The following KDM6A variants were observed in gnomAD, a reference collection of about 807,000 sequenced individuals.
KDM6A encodes lysine demethylase 6A.
In KDM6A, 11 loss-of-function variants were observed where a neutral mutation model predicts 117.6. The ratio of observed to expected loss-of-function variants is 0.09; its 90% CI spans 0.06 to 0.15. The LOEUF (loss-of-function observed/expected upper bound fraction) is 0.15. Ranked by LOEUF, KDM6A falls within the 10% of genes least tolerant of loss-of-function variation. The pLI is 1.00. For synonymous variants in KDM6A, 384 were observed against 396.1 expected (o/e 0.97, Z 0.36); for missense variants, 799 against 1,077.3 (o/e 0.74, Z 3.62).
At chrX:45,040,409 A>C (rs1441632158) in intron 8 of KDM6A, among the ~76,000 whole-genome samples, 1 of 77,925 alleles carries the variant, frequency 1.3e-5, no homozygotes, top group Non-Finnish European at 2.5e-5. Context: ...TGATCCCCCC[A>C]CCTCCCTCCC....
intron 5 of KDM6A, among the ~76,000 whole-genome samples, chrX:45,017,730 G>A (rs916944809): frequency 5.4e-5 from 6 of 111,905 alleles, no homozygotes; most frequent in African/African-American, 1.6e-4. Flanking sequence ...ACCCTTTGCT[G>A]TATTATTTTA....
chrX:45,089,722 A>G (rs753246154), intron 25 of KDM6A, 21 bp from the exon 26 acceptor site: 13 of 1,127,847 alleles, frequency 1.2e-5, no homozygotes, highest in African/African-American at 1.8e-5. Flanking sequence ...ATCCATTTGC[A>G]TTATTTTTTT....
At chrX:44,912,088 T>G (rs1042645818) in intron 2 of KDM6A, among the ~76,000 whole-genome samples, 1 of 108,334 alleles carries the variant, frequency 9.2e-6, no homozygotes, top group Non-Finnish European at 1.9e-5. Context: ...AAACTTTTTT[T>G]TTGTTTGTTT....
chrX:44,943,220 T>C (rs1327802182), intron 2 of KDM6A, among the ~76,000 whole-genome samples: 1 of 111,566 alleles, frequency 9.0e-6, no homozygotes, highest in Non-Finnish European at 1.9e-5. Context: ...TGCAGTACAG[T>C]GAGTCACACA....
intron 2 of KDM6A, among the ~76,000 whole-genome samples, chrX:44,900,750 A>AGCTGGGCGTGGTG (rs2034287850): frequency 9.0e-6 from 1 of 110,968 alleles, no homozygotes; most frequent in Non-Finnish European, 1.9e-5. Context: ...TACAAAAATT[A>AGCTGGGCGTGGTG]GCTGGGCGTG....
chrX:44,901,032 A>G (rs781274619), intron 2 of KDM6A, among the ~76,000 whole-genome samples: 2 of 112,385 alleles, frequency 1.8e-5, no homozygotes, highest in Non-Finnish European at 3.8e-5. Flanking sequence ...ACTGATTTCT[A>G]ATTTCACTAC....
Position 45,059,253 on chromosome X carries a change from A to G in KDM6A, c.981A>G (p.Leu327=), listed in dbSNP as rs767828980. 27 of 1,208,064 alleles carry G rather than the reference A, an allele frequency of 2.2e-5. No homozygotes were observed. In the South Asian group the frequency reaches 4.6e-4, roughly 20 times the overall value. The part of the protein sequence containing the change: ...SADTWCSIGV[L]YQQQNQPMDA... Reference sequence around the variant, plus strand: ...TCTTAATTTCTCTTTCCAGTGTGCTATATCAGCAGCAAAATCAGCCCATGG... The same window carrying G: ...TCTTAATTTCTCTTTCCAGTGTGCTGTATCAGCAGCAAAATCAGCCCATGG... The change falls in exon 12 of 30, where the codon CTA becomes CTG. Residue 327 remains leucine (L), a synonymous_variant. Coordinates refer to ENST00000611820, the MANE Select transcript of KDM6A (RefSeq NM_001291415.2).
intron 5 of KDM6A, among the ~76,000 whole-genome samples, chrX:45,016,789 T>C (rs1269258126): frequency 9.0e-6 from 1 of 111,658 alleles, no homozygotes; most frequent in Non-Finnish European, 1.9e-5. Context: ...TGAGCCACCA[T>C]GCCCAGCCAA....
intron 23 of KDM6A, 48 bp downstream of exon 23, chrX:45,082,837 C>A: frequency 1.2e-6 from 1 of 820,670 alleles, no homozygotes; most frequent in Non-Finnish European, 1.8e-6. Context: ...AAGAGTTATC[C>A]TGTGCTAGAT....
intron 8 of KDM6A, among the ~76,000 whole-genome samples, chrX:45,040,389 G>A (rs1380006635): frequency 8.6e-5 from 8 of 92,631 alleles, no homozygotes; most frequent in Non-Finnish European, 1.5e-4. Context: ...CGGCTGGCCA[G>A]GCGGGGGGCT....
intron 3 of KDM6A, among the ~76,000 whole-genome samples, chrX:44,972,484 A>G (rs1006497051): frequency 1.8e-5 from 2 of 111,092 alleles, no homozygotes; most frequent in African/African-American, 6.6e-5. Context: ...GAACATAGCT[A>G]TGTAAGGAAG....
In KDM6A at chrX:44,974,800, C is replaced by CT. The variant is rs200529431; in HGVS notation, c.384+93dup. ...ATACTCAAAATTAATTGAGCTCTTG[C>CT]TTTTTTTTGTTAATTACTTAAAATA... On this transcript the variant is annotated intron_variant, in intron 4 of 29. Transcript: ENST00000611820. The CT allele has an allele frequency of 0.085, 57,894 of 684,697 alleles. 4,242 individuals are homozygous for CT. The highest frequency in any genetic ancestry group is 0.43 in the African/African-American group (19,250 of 45,110). 56.4% of individuals were successfully genotyped at this position (684,697 alleles called of 1,213,427 possible). A position where few individuals can be genotyped will look rare whatever the true frequency, so the allele number is the denominator to read the frequency against.
chrX:44,995,945 C>T (rs1051487232), intron 4 of KDM6A, among the ~76,000 whole-genome samples: 9 of 112,176 alleles, frequency 8.0e-5, no homozygotes, highest in Non-Finnish European at 1.7e-4. Context: ...CATGTATCAT[C>T]TCATTTAATT....
intron 6 of KDM6A, among the ~76,000 whole-genome samples, chrX:45,032,274 G>T (rs1187882953): frequency 1.8e-5 from 2 of 111,398 alleles, no homozygotes; most frequent in Non-Finnish European, 3.8e-5. Context: ...GTATTTTCAG[G>T]TTTGTGGGCT....
chrX:44,975,950 A>G (rs1010336873), intron 4 of KDM6A, among the ~76,000 whole-genome samples: 2 of 112,486 alleles, frequency 1.8e-5, no homozygotes, highest in African/African-American at 6.5e-5. Context: ...GGCCTCTTCA[A>G]CTGTGTGCTG....
chrX:45,095,471 A>C (rs1365785659), intron 27 of KDM6A, among the ~76,000 whole-genome samples: 1 of 111,292 alleles, frequency 9.0e-6, no homozygotes, highest in Non-Finnish European at 1.9e-5. Context: ...GAAATACGTG[A>C]GCTATATAAC....
intron 3 of KDM6A, among the ~76,000 whole-genome samples, chrX:44,964,653 T>C (rs939989586): frequency 9.0e-6 from 1 of 111,508 alleles, no homozygotes; most frequent in Non-Finnish European, 1.9e-5. Flanking sequence ...TTCTCAACAG[T>C]GGGCTGAAAA....
intron 17 of KDM6A, 116 bp downstream of exon 17, chrX:45,063,933 G>T: frequency 1.4e-6 from 1 of 707,234 alleles, no homozygotes; most frequent in Non-Finnish European, 2.2e-6. Flanking sequence ...TAAGAATTTT[G>T]TGGCACTACA....
chrX:44,998,948 G>A (rs1305466587), intron 4 of KDM6A, among the ~76,000 whole-genome samples: 1 of 111,517 alleles, frequency 9.0e-6, no homozygotes, highest in Non-Finnish European at 1.9e-5. Context: ...TCCAAGACCC[G>A]CAGTGGATGC....
Sources: allele counts gnomAD v4.1 joint callset (sites outside exome capture counted in the v4.1 genomes callset), GRCh38; gene constraint gnomAD v4.1.1; transcripts MANE v1.5; gene names NCBI Gene and HGNC (gene_info 2026-07-23, HGNC 2026-07-21).